Variants in PIEZO2 observed in about 807,000 individuals in gnomAD.
PIEZO2 encodes piezo type mechanosensitive ion channel component 2.
A neutral mutation model predicts 337.3 loss-of-function variants in PIEZO2; 172 were observed. The ratio of observed to expected loss-of-function variants is 0.51; its 90% CI spans 0.45 to 0.58. PIEZO2 has a LOEUF of 0.58. Ranked by LOEUF, PIEZO2 falls within the 20% of genes least tolerant of loss-of-function variation. PIEZO2 has a pLI of 0.00. For missense variants in PIEZO2, 3,028 were observed against 3,391.3 expected, an observed-to-expected ratio of 0.89 and a Z score of 2.66; for synonymous variants, 1,251 against 1,228.5, an observed-to-expected ratio of 1.02 and a Z score of -0.38.
intron 3 of PIEZO2, among the ~76,000 whole-genome samples, chr18:10,976,182 A>AACCTGGTCTGTGTCAAT (rs1184825257): frequency 2.0e-5 from 3 of 152,160 alleles, no homozygotes; most frequent in African/African-American, 7.2e-5. Flanking sequence ...CTGGGCTGAA[A>AACCTGGTCTGTGTCAAT]ACCTGGTCTG....
chr18:10,828,663 T>C lies in PIEZO2; in HGVS notation c.918-21389A>G, dbSNP rs1376601463. Among the ~76,000 whole-genome samples the C allele has an allele frequency of 6.6e-6, 1 of 152,188 alleles. No homozygotes were observed. Among genetic ancestry groups the C allele is most frequent in the Non-Finnish European group, 1.5e-5 (1 of 68,030 alleles). ...AATCCTTATGCCAATAATAGCACCA[T>C]GCGGGTGGCAATACTGGTCATATGT... On this transcript the variant is annotated intron_variant, in intron 7 of 55. Coordinates refer to ENST00000674853, the MANE Select transcript of PIEZO2 (RefSeq NM_001378183.1). This position sits in a 1 kb window ranked among gnomAD's most constrained non-coding sequence, Gnocchi z 4.1.
At chr18:11,136,337 T>C (rs967211140) in intron 1 of PIEZO2, among the ~76,000 whole-genome samples, 1 of 152,256 alleles carries the variant, frequency 6.6e-6, no homozygotes, top group Non-Finnish European at 1.5e-5. Context: ...TCCTAGGAGC[T>C]GGAGCCTTCT....
chr18:11,026,557 G>A (rs927122409), intron 2 of PIEZO2, among the ~76,000 whole-genome samples: 2 of 152,156 alleles, frequency 1.3e-5, no homozygotes, highest in South Asian at 2.1e-4. Flanking sequence ...TGCTGATGCC[G>A]ATGCACTGTG....
rs1244642093 is a variant in PIEZO2 at position 10,853,353 on chromosome 18, C to T, written c.917+2000G>A. ...CCTGCTTAGCCCACTTCCAAGTGTACTTCACTTCCTTTCATTCCTGCTCTA... is the reference window on the plus strand; with the variant it reads ...CCTGCTTAGCCCACTTCCAAGTGTATTTCACTTCCTTTCATTCCTGCTCTA... On this transcript the variant is annotated intron_variant, in intron 7 of 55. Coordinates refer to ENST00000674853, the MANE Select transcript of PIEZO2 (RefSeq NM_001378183.1). This position sits in a 1 kb window ranked among gnomAD's most constrained non-coding sequence, Gnocchi z 4.2. Among the ~76,000 whole-genome samples the T allele has an allele frequency of 6.6e-6, 1 of 152,208 alleles. No individual in the cohort carries two copies. The highest frequency in any genetic ancestry group is 2.4e-5 in the African/African-American group (1 of 41,446).
rs2040278117 is a variant in PIEZO2, at chr18:11,129,438, G to A, written c.64+19087C>T. On this transcript the variant is annotated intron_variant, in intron 1 of 55. Coordinates refer to ENST00000674853, the MANE Select transcript of PIEZO2 (RefSeq NM_001378183.1). This position sits in a 1 kb window ranked among gnomAD's most constrained non-coding sequence, Gnocchi z 4.6. Reference sequence around the variant, plus strand: ...TGGCTAATTAATCATGGTGTTCCTAGAAGTGAAATTGATAGGAAGCCTACT... The same window carrying A: ...TGGCTAATTAATCATGGTGTTCCTAAAAGTGAAATTGATAGGAAGCCTACT... Among the ~76,000 whole-genome samples the A allele has an allele frequency of 6.6e-6, 1 of 152,116 alleles. No homozygotes were observed. The highest frequency in any genetic ancestry group is 6.5e-5 in the Admixed American group (1 of 15,276).
At position 11,143,959 on chromosome 18, in the gene PIEZO2, TATTTACC is replaced by T. The variant is rs1183060136; in HGVS notation, c.64+4559_64+4565del. ...GAAACAAAACCATAATAGAATATGT[TATTTACC>T]ATTTTACAGAAAGAAAAGAGAAACA... On this transcript the variant is annotated intron_variant, in intron 1 of 55. Transcript: ENST00000674853. This position sits in a 1 kb window ranked among gnomAD's most constrained non-coding sequence, Gnocchi z 4.9. 6.6e-6 allele frequency among the ~76,000 whole-genome samples: 1 copy of T among 152,212 alleles called. No individual in the cohort carries two copies. Among genetic ancestry groups the T allele is most frequent in the Non-Finnish European group, 1.5e-5 (1 of 68,038 alleles).
At chr18:10,671,880 G>A in intron 55 of PIEZO2, 101 bp from the exon 56 acceptor site, 4 of 1,107,472 alleles carry the variant, frequency 3.6e-6, no homozygotes, top group Non-Finnish European at 4.9e-6. Flanking sequence ...CTCAAATTCT[G>A]TAGAAGAAAT....
chr18:10,805,182 GA>G (rs2039958831), intron 8 of PIEZO2, among the ~76,000 whole-genome samples: 1 of 152,182 alleles, frequency 6.6e-6, no homozygotes. Context: ...TTAATAACTA[GA>G]AAGCCTTAAA....
chr18:10,698,009 G>T (rs2143702471), intron 44 of PIEZO2, 129 bp from the exon 45 acceptor site: 3 of 155,838 alleles, frequency 1.9e-5, no homozygotes, highest in Non-Finnish European at 2.8e-5. Flanking sequence ...GGATGAGTAT[G>T]CACGGCCTTG....
Position 11,102,442 on chromosome 18 carries a change from C to A in PIEZO2, c.65-36220G>T, listed in dbSNP as rs891977026. Reference sequence around the variant, plus strand: ...GATCTGATTGAAGATCGAATCTCACCCTGTCCCCCACCAGGCTGGTGCAGT... The same window carrying A: ...GATCTGATTGAAGATCGAATCTCACACTGTCCCCCACCAGGCTGGTGCAGT... On this transcript the variant is annotated intron_variant, in intron 1 of 55. Transcript: ENST00000674853. This position sits in a 1 kb window ranked among gnomAD's most constrained non-coding sequence, Gnocchi z 5.7. Among the ~76,000 whole-genome samples the A allele has an allele frequency of 6.6e-6, 1 of 152,170 alleles. No homozygotes were observed. Among genetic ancestry groups the A allele is most frequent in the Non-Finnish European group, 1.5e-5 (1 of 68,030 alleles).
intron 2 of PIEZO2, among the ~76,000 whole-genome samples, chr18:11,006,180 C>T (rs1353100662): frequency 6.6e-6 from 1 of 152,104 alleles, no homozygotes; most frequent in Admixed American, 6.5e-5. Context: ...CTGTTTTGTA[C>T]ACTTCACCAC....
At position 10,789,160 on chromosome 18, in the gene PIEZO2, G is replaced by T; in HGVS notation, c.2088C>A (p.Phe696Leu). 6.5e-7 allele frequency: 1 copy of T among 1,537,260 alleles called. No homozygotes were observed. Among genetic ancestry groups the T allele is most frequent in the South Asian group, 1.2e-5 (1 of 84,064 alleles). The part of the protein sequence containing the change: ...YWIYVCGGMF[F>L]FVSFEGKIVM... ...CGATTTTACCCTCGAAGCTGACGAA[G>T]AAGAACATGCCTCCGCAGACGTAGA... The change falls in exon 15 of 56, where the codon TTC becomes TTA. Residue 696 changes from phenylalanine to leucine, a missense_variant. This residue lies in a region of PIEZO2 where 1,925 missense variants were observed against 2,051.9 expected (regional missense o/e 0.94). Coordinates refer to ENST00000674853, the MANE Select transcript of PIEZO2 (RefSeq NM_001378183.1).
At chr18:10,832,700 C>T (rs2040881494) in intron 7 of PIEZO2, among the ~76,000 whole-genome samples, 1 of 152,194 alleles carries the variant, frequency 6.6e-6, no homozygotes, top group Admixed American at 6.5e-5. Context: ...TCCATCAGTT[C>T]CCTCCATGGG....
chr18:10,704,515 T>C lies in PIEZO2; in HGVS notation c.6137A>G (p.Asn2046Ser). 1 of 1,537,142 alleles carries C rather than the reference T, an allele frequency of 6.5e-7. No homozygotes were observed. The highest frequency in any genetic ancestry group is 8.7e-7 in the Non-Finnish European group (1 of 1,146,896). The change falls in exon 42 of 56, where the codon AAC becomes AGC. Residue 2046 changes from asparagine to serine, a missense_variant. Asn to Ser is a conservative substitution (Grantham distance 46). Coordinates refer to ENST00000674853, the MANE Select transcript of PIEZO2 (RefSeq NM_001378183.1). The part of the protein sequence containing the change: ...EMVCYFVIIL[N>S]HMVSASMITL... ...GATCATGGAGGCAGAGACCATGTGG[T>C]TGAGGATGATCACGAAGTAGCACAC...
chr18:10,871,666 A>C (rs1203929020), intron 4 of PIEZO2, among the ~76,000 whole-genome samples: 1 of 152,184 alleles, frequency 6.6e-6, no homozygotes, highest in Admixed American at 6.5e-5. Flanking sequence ...TCACTCCTAA[A>C]ACGTCCTAAT....
chr18:10,935,742 G>A (rs868258434), intron 3 of PIEZO2, among the ~76,000 whole-genome samples: 4 of 152,256 alleles, frequency 2.6e-5, no homozygotes, highest in Middle Eastern at 6.8e-3. Context: ...CCAGTGGGCC[G>A]AGCATGCCAC....
intron 4 of PIEZO2, among the ~76,000 whole-genome samples, chr18:10,875,577 A>G (rs544758384): frequency 1.3e-5 from 2 of 152,288 alleles, no homozygotes; most frequent in Non-Finnish European, 2.9e-5. Flanking sequence ...TAGCTCTTTC[A>G]TGGAAAACAA....
In PIEZO2 at chr18:11,111,038, G is replaced by A. The variant is rs1008214893; in HGVS notation, c.64+37487C>T. Among the ~76,000 whole-genome samples the A allele has an allele frequency of 6.6e-6, 1 of 152,184 alleles. No individual in the cohort carries two copies. The highest frequency in any genetic ancestry group is 1.5e-5 in the Non-Finnish European group (1 of 68,020). On this transcript the variant is annotated intron_variant, in intron 1 of 55. Transcript: ENST00000674853. The surrounding 1 kb of genome is among the most constrained non-coding windows in gnomAD (Gnocchi z 6.2). ...TACTTCAGTGCAGCTGCAAATGGAC[G>A]TCCGGGCAGACAGGGCAGAGGACAG...
chr18:10,926,205 C>T (rs2031728690), intron 3 of PIEZO2, among the ~76,000 whole-genome samples: 1 of 152,190 alleles, frequency 6.6e-6, no homozygotes, highest in Admixed American at 6.5e-5. Context: ...TCCTGGCTGA[C>T]CACTGCCGGG....
Sources: gnomAD v4.1 joint callset for allele counts (sites outside exome capture counted in the v4.1 genomes callset) on GRCh38, gnomAD v4.1.1 for gene constraint, gnomAD v4.1.1 regional missense constraint, Gnocchi (gnomAD v3.1) non-coding constraint, MANE v1.5 for transcripts, NCBI Gene and HGNC (gene_info 2026-07-23, HGNC 2026-07-21) for gene names.